Variants in PTPRG observed in about 807,000 individuals in gnomAD.
The protein encoded by PTPRG is protein tyrosine phosphatase receptor type G.
A neutral mutation model predicts 165.3 loss-of-function variants in PTPRG; 102 were observed. The ratio of observed to expected loss-of-function variants is 0.62; its 90% CI spans 0.53 to 0.73. PTPRG has a LOEUF of 0.73. PTPRG is among the 30% of genes least tolerant of loss of function. The pLI is 0.00. For missense variants in PTPRG, 1,866 were observed against 1,861.4 expected (o/e 1.00, Z -0.05); for synonymous variants, 675 against 669.5 (o/e 1.01, Z -0.13).
chr3:61,706,626 T>G (rs149299607), intron 1 of PTPRG, among the ~76,000 whole-genome samples: 2 of 152,078 alleles, frequency 1.3e-5, no homozygotes, highest in African/African-American at 4.8e-5. Flanking sequence ...CCCGAGTAGC[T>G]GGAATTACAG....
chr3:61,634,969 T>C (rs1191942616), intron 1 of PTPRG, among the ~76,000 whole-genome samples: 2 of 152,204 alleles, frequency 1.3e-5, no homozygotes, highest in East Asian at 3.9e-4. Flanking sequence ...TTGATTGCAT[T>C]CGTTTGCCCT....
intron 4 of PTPRG, among the ~76,000 whole-genome samples, chr3:62,021,948 G>A (rs537774924): frequency 7.0e-6 from 1 of 141,850 alleles, no homozygotes; most frequent in South Asian, 2.3e-4. Flanking sequence ...AAAAAAGAAA[G>A]TGTCTGGAGA....
intron 26 of PTPRG, among the ~76,000 whole-genome samples, chr3:62,280,958 A>G (rs558892914): frequency 2.6e-5 from 4 of 152,044 alleles, no homozygotes; most frequent in Non-Finnish European, 5.9e-5. Context: ...CAGGTAATAA[A>G]ATTGCACTGT....
chr3:61,796,569 G>T (rs1043664420), intron 2 of PTPRG, among the ~76,000 whole-genome samples: 1 of 152,120 alleles, frequency 6.6e-6, no homozygotes, highest in East Asian at 1.9e-4. Context: ...GACCATTGTG[G>T]CAAGGTCATA....
chr3:62,267,656 A>G, intron 18 of PTPRG, 29 bp from the exon 19 acceptor site: 1 of 1,600,974 alleles, frequency 6.2e-7, no homozygotes, highest in Non-Finnish European at 8.5e-7. Flanking sequence ...AACTGCTTTC[A>G]TCTCACTTTG....
At chr3:61,861,915 A>C (rs1454367509) in intron 2 of PTPRG, among the ~76,000 whole-genome samples, 1 of 152,142 alleles carries the variant, frequency 6.6e-6, no homozygotes. Context: ...GATTGAAAGA[A>C]CCTTATGGGG....
At chr3:62,172,744 T>G (rs1508402) in intron 8 of PTPRG, among the ~76,000 whole-genome samples, 1 of 152,088 alleles carries the variant, frequency 6.6e-6, no homozygotes, top group Non-Finnish European at 1.5e-5. Flanking sequence ...AAAAAAAGTT[T>G]TAAAAAGAGA....
At chr3:61,754,435 C>G (rs888911306) in intron 2 of PTPRG, among the ~76,000 whole-genome samples, 1 of 152,166 alleles carries the variant, frequency 6.6e-6, no homozygotes, top group Non-Finnish European at 1.5e-5. Flanking sequence ...TTATAACATG[C>G]ATGTGTGTGT....
intron 2 of PTPRG, among the ~76,000 whole-genome samples, chr3:61,937,946 T>TTTC (rs1553693803): frequency 5.9e-5 from 9 of 151,920 alleles, no homozygotes; most frequent in African/African-American, 2.2e-4. Flanking sequence ...GGGTTTTTTT[T>TTTC]TTTCCCCCTT....
chr3:61,701,070 C>T (rs1159338083), intron 1 of PTPRG, among the ~76,000 whole-genome samples: 2 of 152,164 alleles, frequency 1.3e-5, no homozygotes, highest in African/African-American at 4.8e-5. Flanking sequence ...TAGTTGCCCT[C>T]AATCTCCCTG....
chr3:62,275,297 C>T lies in PTPRG; in HGVS notation c.3466-576C>T, dbSNP rs1384643800. On this transcript the variant is annotated intron_variant, in intron 23 of 29. Transcript: ENST00000474889. Reference sequence around the variant, plus strand: ...TCAAGAAACTTGATTAGCTCGTAATCAATAGCATTAAGCAATCTTTTTTAA... The same window carrying T: ...TCAAGAAACTTGATTAGCTCGTAATTAATAGCATTAAGCAATCTTTTTTAA... Among the ~76,000 whole-genome samples the T allele has an allele frequency of 2.0e-5, 3 of 152,178 alleles. No homozygotes were observed. In the South Asian group the frequency reaches 6.2e-4, roughly 32 times the overall value.
chr3:62,075,347 A>T (rs988540918), intron 4 of PTPRG, among the ~76,000 whole-genome samples: 1 of 152,210 alleles, frequency 6.6e-6, no homozygotes, highest in African/African-American at 2.4e-5. Context: ...ACCTGTGTTA[A>T]GTTTCTTTCT....
At chr3:62,125,111 T>G (rs535552488) in intron 5 of PTPRG, among the ~76,000 whole-genome samples, 3 of 152,308 alleles carry the variant, frequency 2.0e-5, no homozygotes, top group South Asian at 2.1e-4. Flanking sequence ...CCCTGTCACC[T>G]TTTTATATAA....
At chr3:62,266,309 G>GAAAC (rs1232302481) in intron 17 of PTPRG, among the ~76,000 whole-genome samples, 1 of 152,112 alleles carries the variant, frequency 6.6e-6, no homozygotes, top group African/African-American at 2.4e-5. Context: ...GAATGAGCCA[G>GAAAC]AAACATGATG....
At chr3:61,676,906 C>T (rs1369591055) in intron 1 of PTPRG, among the ~76,000 whole-genome samples, 3 of 152,024 alleles carry the variant, frequency 2.0e-5, no homozygotes, top group Non-Finnish European at 4.4e-5. Context: ...ATTATCTGTC[C>T]TGTGAGCCTC....
chr3:62,159,733 G>T (rs1170138629), intron 7 of PTPRG, among the ~76,000 whole-genome samples: 3 of 152,134 alleles, frequency 2.0e-5, no homozygotes, highest in African/African-American at 7.2e-5. Context: ...AGTCATATTT[G>T]CTTTCCAGGT....
intron 1 of PTPRG, among the ~76,000 whole-genome samples, chr3:61,635,472 T>G (rs1031632573): frequency 1.3e-5 from 2 of 151,752 alleles, no homozygotes; most frequent in African/African-American, 2.4e-5. Context: ...TCCTCCTATC[T>G]CAGCTTTCTG....
intron 13 of PTPRG, among the ~76,000 whole-genome samples, chr3:62,221,072 C>T (rs1461128138): frequency 6.6e-6 from 1 of 152,194 alleles, no homozygotes; most frequent in Non-Finnish European, 1.5e-5. Context: ...AGGGCTGTGT[C>T]ATGTAGTAAA....
chr3:61,691,633 C>G (rs573927668), intron 1 of PTPRG, among the ~76,000 whole-genome samples: 2 of 152,298 alleles, frequency 1.3e-5, no homozygotes, highest in African/African-American at 4.8e-5. Flanking sequence ...TTGTGTACAT[C>G]TGTGTATTGT....
Sources: allele counts gnomAD v4.1 joint callset (sites outside exome capture counted in the v4.1 genomes callset), GRCh38; gene constraint gnomAD v4.1.1; transcripts MANE v1.5; gene names NCBI Gene and HGNC (gene_info 2026-07-23, HGNC 2026-07-21).